The following UPRT variants were observed in gnomAD, a reference collection of about 807,000 sequenced individuals.
The protein encoded by UPRT is uracil phosphoribosyltransferase homolog, also known as RP11-311P8.3.
Under a neutral mutation model 22.6 loss-of-function variants are expected in UPRT, and 5 were observed. The ratio of observed to expected loss-of-function variants is 0.22; its 90% CI spans 0.12 to 0.47. The LOEUF is 0.47. Among genes scored for constraint, UPRT ranks in the 20% least tolerant of loss-of-function variants. UPRT has a pLI of 0.99. For missense variants in UPRT, 181 were observed against 239.9 expected (o/e 0.75, Z 1.62); for synonymous variants, 77 against 87.7 (o/e 0.88, Z 0.68).
chrX:75,236,426 T>C (rs1322220808), intron 4 of UPRT, among the ~76,000 whole-genome samples: 1 of 111,592 alleles, frequency 9.0e-6, no homozygotes, highest in Non-Finnish European at 1.9e-5. Flanking sequence ...AATGACTTTC[T>C]TCACAGAATT....
intron 5 of UPRT, 142 bp downstream of exon 5, chrX:75,300,038 C>T (rs375878184): frequency 3.0e-6 from 2 of 670,505 alleles, no homozygotes; most frequent in Non-Finnish European, 4.4e-6. Context: ...CCAGGCAGTT[C>T]ACTGGAGAGT....
intron 4 of UPRT, among the ~76,000 whole-genome samples, chrX:75,247,852 C>A: frequency 9.0e-6 from 1 of 111,640 alleles, no homozygotes; most frequent in East Asian, 2.8e-4. Context: ...CCTCACAGGG[C>A]CGGGTACTCC....
At chrX:75,202,707 T>C (rs2082350172) in intron 4 of UPRT, 1 of 111,703 alleles carries the variant, frequency 9.0e-6, no homozygotes, top group Non-Finnish European at 1.9e-5. Flanking sequence ...CTTTAAGTGG[T>C]CACTTTGGCA....
At chrX:75,286,262 T>C (rs1410776060) in intron 1 of UPRT, among the ~76,000 whole-genome samples, 4 of 98,378 alleles carry the variant, frequency 4.1e-5, no homozygotes, top group African/African-American at 1.5e-4. Context: ...TTATGTTAAG[T>C]ATGTCCTAAA....
chrX:75,283,330 A>G (rs1227053714), intron 1 of UPRT, among the ~76,000 whole-genome samples: 1 of 110,552 alleles, frequency 9.0e-6, no homozygotes, highest in Non-Finnish European at 1.9e-5. Context: ...TTTGTTGTCT[A>G]TGTACTGTTT....
intron 4 of UPRT, among the ~76,000 whole-genome samples, chrX:75,173,903 G>A (rs1476321578): frequency 1.8e-5 from 2 of 112,124 alleles, no homozygotes; most frequent in East Asian, 2.8e-4. Context: ...TGCGGGGCCC[G>A]CCAAGCCCAC....
chrX:75,215,197 AT>A (rs1395100314), intron 4 of UPRT, among the ~76,000 whole-genome samples: 1 of 111,767 alleles, frequency 8.9e-6, no homozygotes, highest in Non-Finnish European at 1.9e-5. Flanking sequence ...GCTGATCCAA[AT>A]TTGTGGCATG....
chrX:75,282,752 T>G (rs1248769492), intron 1 of UPRT, among the ~76,000 whole-genome samples: 2 of 111,604 alleles, frequency 1.8e-5, no homozygotes, highest in Admixed American at 1.9e-4. Flanking sequence ...ATTCTGCAGT[T>G]GTTGGACGAA....
chrX:75,215,026 G>A (rs896946312), intron 4 of UPRT, among the ~76,000 whole-genome samples: 1 of 111,282 alleles, frequency 9.0e-6, no homozygotes, highest in Admixed American at 9.6e-5. Flanking sequence ...ACTTTTGAAA[G>A]TGACAGGTAG....
intron 4 of UPRT, among the ~76,000 whole-genome samples, chrX:75,238,065 C>T (rs779192153): frequency 9.0e-6 from 1 of 111,079 alleles, no homozygotes; most frequent in East Asian, 2.8e-4. Context: ...AACAATAATA[C>T]AATAAGAAAA....
chrX:75,199,575 G>A (rs899571641), intron 4 of UPRT, among the ~76,000 whole-genome samples: 4 of 110,259 alleles, frequency 3.6e-5, no homozygotes, highest in African/African-American at 1.3e-4. Context: ...TTGCTGCAGG[G>A]GAGACTCAGC....
At chrX:75,197,178 C>A (rs1056444930) in intron 4 of UPRT, among the ~76,000 whole-genome samples, 1 of 111,454 alleles carries the variant, frequency 9.0e-6, no homozygotes, top group Admixed American at 9.6e-5. Context: ...TAAGCAAAGG[C>A]CAGCAACCAC....
chrX:75,243,816 A>G (rs1461394457), intron 4 of UPRT, among the ~76,000 whole-genome samples: 1 of 111,768 alleles, frequency 8.9e-6, no homozygotes, highest in Non-Finnish European at 1.9e-5. Context: ...CTACAATAAC[A>G]TTTAAAATTC....
chrX:75,193,795 C>T lies in UPRT; in HGVS notation c.-447+25916C>T, dbSNP rs751721039. Among the ~76,000 whole-genome samples the T allele has an allele frequency of 6.3e-5, 7 of 111,420 alleles. No individual in the cohort carries two copies. The South Asian group carries it at 2.3e-3, about 36-fold the overall frequency. ...GAAATTCTTGTAGTGTGTTTTTCAA[C>T]TCTATCATATCTGTGAGGTTCTTTC... On this transcript the variant is annotated intron_variant, in intron 4 of 13. Coordinates refer to the UPRT transcript ENST00000652605.
chrX:75,188,178 A>G (rs2082301447), intron 4 of UPRT, among the ~76,000 whole-genome samples: 1 of 111,450 alleles, frequency 9.0e-6, no homozygotes, highest in Non-Finnish European at 1.9e-5. Context: ...GTCTTTGATG[A>G]TGGTGATGTA....
At chrX:75,236,140 C>G (rs980942880) in intron 4 of UPRT, among the ~76,000 whole-genome samples, 4 of 111,308 alleles carry the variant, frequency 3.6e-5, no homozygotes, top group African/African-American at 1.3e-4. Context: ...CACAAGCATT[C>G]TTATACATCA....
upstream of UPRT, among the ~76,000 whole-genome samples, chrX:75,271,296 A>T (rs2082607254): frequency 8.9e-6 from 1 of 112,426 alleles, no homozygotes; most frequent in Non-Finnish European, 1.9e-5. Flanking sequence ...TGGTATTAAA[A>T]TATACCCACA....
At chrX:75,237,087 C>T (rs1270975899) in intron 4 of UPRT, among the ~76,000 whole-genome samples, 1 of 111,797 alleles carries the variant, frequency 8.9e-6, no homozygotes, top group African/African-American at 3.3e-5. Context: ...ACAATGAACT[C>T]AAACAAATTT....
chrX:75,246,402 G>A (rs1303394685), intron 4 of UPRT, among the ~76,000 whole-genome samples: 6 of 109,272 alleles, frequency 5.5e-5, no homozygotes, highest in African/African-American at 2.0e-4. Context: ...ATGATTTCCA[G>A]CTTCATCCAT....
Sources: allele counts gnomAD v4.1 joint callset (sites outside exome capture counted in the v4.1 genomes callset), GRCh38; gene constraint gnomAD v4.1.1; transcripts MANE v1.5; gene names NCBI Gene and HGNC (gene_info 2026-07-23, HGNC 2026-07-21).